The following TTLL5 variants were observed in gnomAD, a reference collection of about 807,000 sequenced individuals.
The protein encoded by TTLL5 is tubulin tyrosine ligase like 5, also known as tubulin polyglutamylase TTLL5.
A neutral mutation model predicts 168.4 loss-of-function variants in TTLL5; 132 were observed. The ratio of observed to expected loss-of-function variants is 0.78; its 90% confidence interval spans 0.68 to 0.91. The LOEUF (loss-of-function observed/expected upper bound fraction) is 0.91, where lower values mean the gene tolerates loss of function less well. TTLL5 is among the 40% of genes least tolerant of loss of function. The pLI, the probability that TTLL5 is intolerant of heterozygous loss-of-function variation, is 0.00. For synonymous variants in TTLL5, 546 were observed against 558.6 expected (o/e 0.98, Z 0.32); for missense variants, 1,545 against 1,581.5 (o/e 0.98, Z 0.39).
intron 30 of TTLL5, among the ~76,000 whole-genome samples, chr14:75,883,799 T>G (rs1245955145): frequency 6.6e-6 from 1 of 152,218 alleles, no homozygotes; most frequent in African/African-American, 2.4e-5. Context: ...GAGCTGGCAT[T>G]GTAATGACTG....
At chr14:75,710,406 A>ACG (rs921348246) in intron 9 of TTLL5, 2 of 140,504 alleles carry the variant, frequency 1.4e-5, no homozygotes, top group African/African-American at 5.3e-5. Context: ...TTATACACAC[A>ACG]CACACACACA....
chr14:75,828,922 A>G (rs1425455075), intron 28 of TTLL5, among the ~76,000 whole-genome samples: 1 of 152,200 alleles, frequency 6.6e-6, no homozygotes, highest in Admixed American at 6.5e-5. Context: ...TATCCTCAAA[A>G]AGTTAACATG....
At chr14:75,710,443 A>G (rs1233187017) in intron 9 of TTLL5, 3 of 145,970 alleles carry the variant, frequency 2.1e-5, no homozygotes, top group Non-Finnish European at 4.6e-5. Context: ...CACACAATGG[A>G]TGTTTTTTCA....
intron 31 of TTLL5, among the ~76,000 whole-genome samples, chr14:75,930,333 G>A (rs892884132): frequency 1.3e-5 from 2 of 152,164 alleles, no homozygotes; most frequent in South Asian, 4.1e-4. Flanking sequence ...CACAGGTTGA[G>A]TATACCTAAT....
chr14:75,779,312 A>G (rs1435898055), intron 23 of TTLL5, among the ~76,000 whole-genome samples: 3 of 152,258 alleles, frequency 2.0e-5, no homozygotes, highest in African/African-American at 7.2e-5. Flanking sequence ...GAATTTAAAT[A>G]GTCACATATG....
chr14:75,925,550 G>A (rs1456176713), intron 31 of TTLL5, among the ~76,000 whole-genome samples: 1 of 150,098 alleles, frequency 6.7e-6, no homozygotes, highest in African/African-American at 2.5e-5. Context: ...GGGCAGAGAC[G>A]CTCCTCACTT....
At chr14:75,673,705 T>G (rs546797584) in intron 3 of TTLL5, among the ~76,000 whole-genome samples, 2 of 152,350 alleles carry the variant, frequency 1.3e-5, no homozygotes, top group African/African-American at 4.8e-5. Context: ...TTGAATAAGA[T>G]CTACTCTACT....
chr14:75,891,742 C>CATA (rs1287083034), intron 30 of TTLL5, among the ~76,000 whole-genome samples: 1 of 152,046 alleles, frequency 6.6e-6, no homozygotes, highest in Non-Finnish European at 1.5e-5. Flanking sequence ...TGTAGAGTAG[C>CATA]GTATGGGAGA....
At chr14:75,794,919 G>T (rs967745147) in intron 27 of TTLL5, among the ~76,000 whole-genome samples, 1 of 152,140 alleles carries the variant, frequency 6.6e-6, no homozygotes, top group Non-Finnish European at 1.5e-5. Flanking sequence ...TCACTGATTA[G>T]CTATGTGATC....
At chr14:75,814,828 T>C (rs1894293129) in intron 27 of TTLL5, among the ~76,000 whole-genome samples, 1 of 152,206 alleles carries the variant, frequency 6.6e-6, no homozygotes, top group Non-Finnish European at 1.5e-5. Flanking sequence ...ACATCTGGCT[T>C]TTAAATTTTA....
At chr14:75,890,913 G>A (rs2140052721) in intron 30 of TTLL5, among the ~76,000 whole-genome samples, 1 of 152,222 alleles carries the variant, frequency 6.6e-6, no homozygotes, top group African/African-American at 2.4e-5. Context: ...TAGAGACGGG[G>A]TTTCACCGTG....
chr14:75,895,555 A>T (rs192195728), intron 30 of TTLL5, among the ~76,000 whole-genome samples: 7,652 of 152,268 alleles, frequency 0.05, 306 homozygotes, highest in Non-Finnish European at 0.074. Context: ...TGGAAATTTT[A>T]AAAAAATAGA....
At chr14:75,769,254 TC>T (rs1009302300) in intron 20 of TTLL5, among the ~76,000 whole-genome samples, 4 of 152,186 alleles carry the variant, frequency 2.6e-5, no homozygotes, top group Non-Finnish European at 5.9e-5. Context: ...TGCTCATTGT[TC>T]GGTGAAGTGT....
At chr14:75,795,733 G>C (rs892159317) in intron 27 of TTLL5, among the ~76,000 whole-genome samples, 8 of 152,074 alleles carry the variant, frequency 5.3e-5, no homozygotes, top group Non-Finnish European at 1.2e-4. Flanking sequence ...GCTCCCTCCA[G>C]GTTGCTGCGA....
chr14:75,754,762 T>C (rs975588192), intron 18 of TTLL5, among the ~76,000 whole-genome samples: 8 of 152,200 alleles, frequency 5.3e-5, no homozygotes, highest in Non-Finnish European at 1.0e-4. Flanking sequence ...TAAAATAATA[T>C]GAAGAAAGAT....
At chr14:75,759,522 A>C (rs1890498556) in intron 18 of TTLL5, among the ~76,000 whole-genome samples, 1 of 152,152 alleles carries the variant, frequency 6.6e-6, no homozygotes, top group Non-Finnish European at 1.5e-5. Context: ...TTCCCAGTTC[A>C]TCTTACGATG....
intron 28 of TTLL5, among the ~76,000 whole-genome samples, chr14:75,826,795 C>T (rs1048415570): frequency 6.6e-6 from 1 of 152,248 alleles, no homozygotes; most frequent in South Asian, 2.1e-4. Context: ...AGATCACAGG[C>T]GTGATGAAAC....
chr14:75,930,359 C>G (rs1444989930), intron 31 of TTLL5, among the ~76,000 whole-genome samples: 6 of 152,108 alleles, frequency 3.9e-5, no homozygotes, highest in African/African-American at 9.7e-5. Context: ...AATGCAAAAT[C>G]TGAAATACTC....
chr14:75,891,369 A>G (rs940565540), intron 30 of TTLL5, among the ~76,000 whole-genome samples: 8 of 151,522 alleles, frequency 5.3e-5, no homozygotes, highest in African/African-American at 1.5e-4. Context: ...TCCTTTTTTC[A>G]TATGTTCTGC....
Sources: gnomAD v4.1 joint callset for allele counts (sites outside exome capture counted in the v4.1 genomes callset) on GRCh38, gnomAD v4.1.1 for gene constraint, MANE v1.5 for transcripts, NCBI Gene and HGNC (gene_info 2026-07-23, HGNC 2026-07-21) for gene names.